The following ZNF25 variants were observed in gnomAD, a reference collection of about 807,000 sequenced individuals.
ZNF25 encodes the protein zinc finger protein 25 (KOX 19).
In ZNF25, 21 loss-of-function variants were observed where a neutral mutation model predicts 30.9. The ratio of observed to expected loss-of-function variants is 0.68; its 90% CI spans 0.48 to 0.98. The LOEUF is 0.98. Among genes scored for constraint, ZNF25 ranks in the 50% least tolerant of loss-of-function variants. The pLI is 0.00. For synonymous variants in ZNF25, 169 were observed against 181.3 expected (o/e 0.93, Z 0.55); for missense variants, 501 against 529.9 (o/e 0.95, Z 0.54).
In ZNF25 at chr10:37,953,018, GTCT is replaced by G. The variant is rs764357707; in HGVS notation, c.477_479del (p.Glu159del). ...TGTGAATTTTCTGATGTCTTATGAG[GTCT>G]TCATTTTTAGAGAAAGATTTCCCAC... On this transcript the variant is annotated inframe_deletion, in exon 6 of 6. Transcript: ENST00000302609. 1 of 1,613,896 alleles carries G rather than the reference GTCT, an allele frequency of 6.2e-7. No homozygotes were observed. Among genetic ancestry groups the G allele is most frequent in the African/African-American group, 1.3e-5 (1 of 75,022 alleles).
At chr10:37,960,279 T>G (rs936231717) in intron 2 of ZNF25, among the ~76,000 whole-genome samples, 6 of 151,836 alleles carry the variant, frequency 4.0e-5, no homozygotes, top group African/African-American at 1.5e-4. Flanking sequence ...CAAACAGAAT[T>G]TTCAAATATA....
At chr10:37,965,887 G>A (rs1001955408) in intron 2 of ZNF25, among the ~76,000 whole-genome samples, 6 of 152,110 alleles carry the variant, frequency 3.9e-5, no homozygotes, top group African/African-American at 1.4e-4. Flanking sequence ...ACAACATAAA[G>A]GGGGGAGAAA....
rs1456695136 is a variant in ZNF25, at chr10:37,976,499, G to A, written c.-86+7C>T. ...GCCCTGCCCGCCCGCAAAAGCCTTCGACACACCTGCAGGGTCTCGGCCTCT... is the reference window on the plus strand; with the variant it reads ...GCCCTGCCCGCCCGCAAAAGCCTTCAACACACCTGCAGGGTCTCGGCCTCT... On this transcript the variant is annotated splice_region_variant and intron_variant, in intron 1 of 5. Transcript: ENST00000302609. 2.0e-5 allele frequency: 3 copies of A among 152,274 alleles called. No individual in the cohort carries two copies. The highest frequency in any genetic ancestry group is 4.4e-5 in the Non-Finnish European group (3 of 68,102). 9.4% of individuals were successfully genotyped at this position (152,274 alleles called of 1,614,324 possible).
At chr10:37,973,943 A>T (rs1407630461) in intron 1 of ZNF25, among the ~76,000 whole-genome samples, 1 of 152,222 alleles carries the variant, frequency 6.6e-6, no homozygotes, top group Non-Finnish European at 1.5e-5. Flanking sequence ...ACATAGATCA[A>T]TGAAAAAGAG....
chr10:37,953,217 C>G (rs754586615), intron 5 of ZNF25, 22 bp from the exon 6 acceptor site: 10 of 1,547,446 alleles, frequency 6.5e-6, no homozygotes, highest in Non-Finnish European at 8.7e-6. Context: ...GTTCCACATT[C>G]ATTAATGTGT....
At chr10:37,974,504 T>C (rs1377072149) in intron 1 of ZNF25, among the ~76,000 whole-genome samples, 4 of 152,078 alleles carry the variant, frequency 2.6e-5, no homozygotes, top group Non-Finnish European at 5.9e-5. Flanking sequence ...GGCCAATAGG[T>C]ATACGATAAA....
Position 37,953,064 on chromosome 10 carries a change from G to T in ZNF25, c.434C>A (p.Ser145Tyr). Residue 145 changes from serine to tyrosine, a missense_variant, in exon 6 of 6, where the codon TCC becomes TAC. By Grantham distance (144) the Ser-to-Tyr change is moderately radical. Transcript: ENST00000302609. ...VHQHTHSKGK[S>Y]YDCDKCGKSF... ...TTTCCCACATTTATCACAGTCATAG[G>T]ATTTGCCCTTTGAGTGAGTATGCTG... is the stretch of plus-strand genomic sequence containing the variant. The T allele has an allele frequency of 1.2e-6, 2 of 1,613,930 alleles. No individual in the cohort carries two copies. Among genetic ancestry groups the T allele is most frequent in the Non-Finnish European group, 1.7e-6 (2 of 1,179,984 alleles).
At chr10:37,960,007 C>T (rs183565757) in intron 2 of ZNF25, among the ~76,000 whole-genome samples, 25 of 151,912 alleles carry the variant, frequency 1.6e-4, no homozygotes, top group Admixed American at 2.6e-4. Context: ...CTCTGCCTCC[C>T]GGGTTCACAC....
At chr10:37,961,145 G>A (rs1390268059) in intron 2 of ZNF25, among the ~76,000 whole-genome samples, 1 of 152,172 alleles carries the variant, frequency 6.6e-6, no homozygotes, top group Non-Finnish European at 1.5e-5. Flanking sequence ...AATGCTACCA[G>A]GGTCAATTGG....
At chr10:37,967,971 A>C (rs558909206) in intron 2 of ZNF25, 1 of 152,358 alleles carries the variant, frequency 6.6e-6, no homozygotes, top group African/African-American at 2.4e-5. Flanking sequence ...AACAAAAGAA[A>C]AATAAATTTT....
chr10:37,965,548 C>T (rs1261549902), intron 2 of ZNF25, among the ~76,000 whole-genome samples: 3 of 152,160 alleles, frequency 2.0e-5, no homozygotes, highest in Non-Finnish European at 4.4e-5. Flanking sequence ...CAAGACTATC[C>T]ATCAATAATG....
chr10:37,959,976 G>A (rs1209245210), intron 2 of ZNF25, among the ~76,000 whole-genome samples: 4 of 151,502 alleles, frequency 2.6e-5, no homozygotes, highest in Non-Finnish European at 5.9e-5. Flanking sequence ...GTGCAGGGGC[G>A]CGATCTTAGC....
intron 2 of ZNF25, among the ~76,000 whole-genome samples, chr10:37,969,565 A>T (rs1161162104): frequency 6.6e-6 from 1 of 152,236 alleles, no homozygotes; most frequent in Non-Finnish European, 1.5e-5. Flanking sequence ...GACTAGGTAG[A>T]TCCATAGAGA....
At chr10:37,962,009 G>A (rs2062910569) in intron 2 of ZNF25, among the ~76,000 whole-genome samples, 1 of 151,464 alleles carries the variant, frequency 6.6e-6, no homozygotes. Context: ...GGCTGAGGCA[G>A]GTGGATCATG....
intron 4 of ZNF25, 63 bp from the exon 5 acceptor site, chr10:37,953,821 G>T: frequency 1.4e-6 from 2 of 1,436,884 alleles, no homozygotes; most frequent in South Asian, 2.4e-5. Context: ...TCATAGCATT[G>T]ATTCTTAGGC....
At chr10:37,976,205 G>A (rs775127854) in intron 1 of ZNF25, among the ~76,000 whole-genome samples, 2 of 152,212 alleles carry the variant, frequency 1.3e-5, no homozygotes, top group Non-Finnish European at 2.9e-5. Flanking sequence ...ACGTCCCTGC[G>A]GCTTTGGAGC....
At chr10:37,954,677 T>C (rs528409530) in intron 4 of ZNF25, among the ~76,000 whole-genome samples, 2 of 152,318 alleles carry the variant, frequency 1.3e-5, no homozygotes, top group African/African-American at 4.8e-5. Flanking sequence ...GGTCCAATTA[T>C]TGAACATCAT....
chr10:37,970,656 C>T (rs1159405876), intron 2 of ZNF25, among the ~76,000 whole-genome samples: 1 of 152,112 alleles, frequency 6.6e-6, no homozygotes, highest in East Asian at 1.9e-4. Context: ...CTACAGTCTA[C>T]CAGGGCCATA....
chr10:37,952,170 G>A lies in ZNF25; in HGVS notation c.1328C>T (p.Ala443Val), dbSNP rs2062177012. The change falls in exon 6 of 6, where the codon GCA becomes GTA. Residue 443 changes from alanine (A) to valine (V), a missense_variant. Physicochemically the swap from Ala to Val is moderately conservative, Grantham distance 64 (BLOSUM62 0). Coordinates refer to ENST00000302609, the MANE Select transcript of ZNF25 (RefSeq NM_145011.4). ...CTTCTTTGTGTGTGTCTTCTGATGT[G>A]CAGTGAGTTGTGACTTCTGGATAAA... is the stretch of plus-strand genomic sequence containing the variant. ...ETFIQKSQLT[A>V]HQKTHTKKRN... 7 of 1,602,212 alleles carry A rather than the reference G, an allele frequency of 4.4e-6. No homozygotes were observed. Among genetic ancestry groups the A allele is most frequent in the Non-Finnish European group, 6.0e-6 (7 of 1,174,876 alleles).
Sources: allele counts gnomAD v4.1 joint callset (sites outside exome capture counted in the v4.1 genomes callset), GRCh38; gene constraint gnomAD v4.1.1; transcripts MANE v1.5; gene names NCBI Gene and HGNC (gene_info 2026-07-23, HGNC 2026-07-21).